Variants in PCDHGA2 observed in about 807,000 individuals in gnomAD.
PCDHGA2 encodes the protein protocadherin gamma-A2.
In PCDHGA2, 40 loss-of-function variants were observed where a neutral mutation model predicts 59.2. That is an observed-to-expected ratio of 0.68 (90% CI 0.52 to 0.88). The LOEUF is 0.88. Ranked by LOEUF, PCDHGA2 falls within the 40% of genes least tolerant of loss-of-function variation. The pLI is 0.00. For synonymous variants in PCDHGA2, 560 were observed against 526.0 expected (o/e 1.06, Z -0.89); for missense variants, 1,226 against 1,204.0 (o/e 1.02, Z -0.27).
Position 141,389,722 on chromosome 5 carries a change from G to C in PCDHGA2, c.2424+48327G>C, listed in dbSNP as rs141134077. 15,348 of 1,612,674 alleles carry C rather than the reference G, an allele frequency of 9.5e-3. 102 individuals are homozygous for C. The highest frequency in any genetic ancestry group is 0.028 in the Middle Eastern group (161 of 5,786). On this transcript the variant is annotated intron_variant, in intron 1 of 3. Coordinates refer to ENST00000394576, the MANE Select transcript of PCDHGA2 (RefSeq NM_018915.4). ...CACGTGCTGCAGGCTAGCGAGCCCG[G>C]GCTCTTCAGCCTGGGGCTGCGCACG...
Position 141,365,921 on chromosome 5 carries a change from T to C in PCDHGA2, c.2424+24526T>C. ...TGAGCAGTTGAGAGACCTACAGTTG[T>C]GGGTGACAGCCAGCGACAGTGGGAA... On this transcript the variant is annotated intron_variant, in intron 1 of 3. Transcript: ENST00000394576. The C allele has an allele frequency of 3.7e-6, 6 of 1,614,192 alleles. No individual in the cohort carries two copies. In the South Asian group the frequency reaches 5.5e-5, roughly 15 times the overall value.
At position 141,384,652 on chromosome 5, in the gene PCDHGA2, G is replaced by A. The variant is rs372721131; in HGVS notation, c.2424+43257G>A. ...GCTGGCACCCCGCTCCGCAGAGCCC[G>A]GCTACCTGGTGACCAAGGTGGTGGC... On this transcript the variant is annotated intron_variant, in intron 1 of 3. Coordinates refer to ENST00000394576, the MANE Select transcript of PCDHGA2 (RefSeq NM_018915.4). The A allele has an allele frequency of 7.4e-6, 12 of 1,614,110 alleles. No homozygotes were observed. The South Asian group carries it at 1.1e-4, about 15-fold the overall frequency.
At chr5:141,375,928 A>G (rs3749773) in intron 1 of PCDHGA2, 89,673 of 1,613,560 alleles carry the variant, frequency 0.056, 2,973 homozygotes, top group African/African-American at 0.14. Context: ...GCGAGCCAGG[A>G]CTTTTCTCAG....
rs902072815 is a variant in PCDHGA2, at chr5:141,495,024, C to A, written c.2483+159C>A. On this transcript the variant is annotated intron_variant, in intron 2 of 3. Coordinates refer to ENST00000394576, the MANE Select transcript of PCDHGA2 (RefSeq NM_018915.4). ...GGTGTGCGGGGGGCTGGCACACAGACCCCGGAAGGAAGAGGCGACTGCCCT... is the reference window on the plus strand; with the variant it reads ...GGTGTGCGGGGGGCTGGCACACAGAACCCGGAAGGAAGAGGCGACTGCCCT... The A allele has an allele frequency of 1.6e-5, 16 of 973,368 alleles. No homozygotes were observed. In the South Asian group the frequency reaches 5.7e-4, roughly 35 times the overall value. The allele number at this position is 973,368 out of a possible 1,614,324, so 60.3% of individuals were successfully genotyped here. A position where few individuals can be genotyped will look rare whatever the true frequency, so the allele number is the denominator to read the frequency against.
intron 1 of PCDHGA2, chr5:141,478,814 C>T (rs1271237848): frequency 6.9e-7 from 1 of 1,451,050 alleles, no homozygotes; most frequent in East Asian, 2.5e-5. Context: ...GCTATCACAA[C>T]TAACCAATCT....
chr5:141,399,677 A>G, intron 1 of PCDHGA2: 1 of 1,613,540 alleles, frequency 6.2e-7, no homozygotes, highest in Non-Finnish European at 8.5e-7. Flanking sequence ...CGCGCCTTTG[A>G]CTACGAGCAG....
At position 141,476,418 on chromosome 5, in the gene PCDHGA2, T is replaced by G. The variant is rs201255025; in HGVS notation, c.2425-18389T>G. ...GATCGAGAGGAGCTGTGTGGGACAC[T>G]GCCCTCTTGCACTGTAACTCTGGAG... On this transcript the variant is annotated intron_variant, in intron 1 of 3. Transcript: ENST00000394576. This position sits in a 1 kb window ranked among gnomAD's most constrained non-coding sequence, Gnocchi z 7.6. 8 of 1,614,122 alleles carry G rather than the reference T, an allele frequency of 5.0e-6. No homozygotes were observed. The highest frequency in any genetic ancestry group is 1.6e-4 in the Middle Eastern group (1 of 6,062).
intron 1 of PCDHGA2, chr5:141,364,669 A>T (rs1763470346): frequency 1.9e-6 from 3 of 1,613,898 alleles, no homozygotes; most frequent in Non-Finnish European, 2.5e-6. Flanking sequence ...TTGAGAACAA[A>T]ATGAAAATTT....
intron 1 of PCDHGA2, chr5:141,383,525 A>C: frequency 6.2e-7 from 1 of 1,612,320 alleles, no homozygotes; most frequent in Non-Finnish European, 8.5e-7. Context: ...CGGGTTCACC[A>C]CCTGGTCCTC....
Position 141,366,322 on chromosome 5 carries a change from G to T in PCDHGA2, c.2424+24927G>T, listed in dbSNP as rs1764494961. 3.1e-6 allele frequency: 5 copies of T among 1,613,654 alleles called. No individual in the cohort carries two copies. The South Asian group carries it at 5.5e-5, about 18-fold the overall frequency. On this transcript the variant is annotated intron_variant, in intron 1 of 3. Transcript: ENST00000394576. ...CCACCTTCACGGTCACCGTTGCCGT[G>T]GCCGACAGGATCCCTGACATCCTGG... is the stretch of plus-strand genomic sequence containing the variant.
intron 1 of PCDHGA2, chr5:141,424,475 T>C (rs1399874639): frequency 2.6e-5 from 4 of 152,234 alleles, no homozygotes; most frequent in Admixed American, 2.0e-4. Context: ...ATTCTTTTAC[T>C]TTGGTGTCTG....
At chr5:141,404,580 G>C (rs769739876) in intron 1 of PCDHGA2, 2 of 1,613,866 alleles carry the variant, frequency 1.2e-6, no homozygotes, top group Non-Finnish European at 1.7e-6. Context: ...CCACCACTTA[G>C]CAGCAATGTG....
intron 1 of PCDHGA2, chr5:141,351,727 C>G (rs771420474): frequency 6.2e-7 from 1 of 1,613,790 alleles, no homozygotes; most frequent in East Asian, 2.2e-5. Context: ...CTATTCTGGC[C>G]AGTGACCTGG....
At chr5:141,421,229 T>C (rs776952658) in intron 1 of PCDHGA2, 3 of 1,589,662 alleles carry the variant, frequency 1.9e-6, no homozygotes, top group South Asian at 1.1e-5. Flanking sequence ...GAGCCTGCCA[T>C]GGCGAATCGG....
At chr5:141,411,556 C>A (rs2095498108) in intron 1 of PCDHGA2, 1 of 152,200 alleles carries the variant, frequency 6.6e-6, no homozygotes, top group Non-Finnish European at 1.5e-5. Context: ...TGCACTCCAG[C>A]CTGGGCGACA....
At chr5:141,344,763 C>A in intron 1 of PCDHGA2, 1 of 1,614,014 alleles carries the variant, frequency 6.2e-7, no homozygotes, top group South Asian at 1.1e-5. Context: ...AATGTTTACT[C>A]AGCCTGAGTA....
chr5:141,383,612 A>C (rs1387363746), intron 1 of PCDHGA2: 1 of 1,613,690 alleles, frequency 6.2e-7, no homozygotes, highest in East Asian at 2.2e-5. Flanking sequence ...GTGAATGACC[A>C]CACGCCTGTC....
At position 141,432,204 on chromosome 5, in the gene PCDHGA2, A is replaced by G. The variant is rs1204867610; in HGVS notation, c.2425-62603A>G. On this transcript the variant is annotated intron_variant, in intron 1 of 3. Coordinates refer to ENST00000394576, the MANE Select transcript of PCDHGA2 (RefSeq NM_018915.4). This position sits in a 1 kb window ranked among gnomAD's most constrained non-coding sequence, Gnocchi z 6.0. ...GTGACCGCCCACGACCCCGACTGTG[A>G]AGAGAACGCCCAGATCACTTATTCC... 1.9e-6 allele frequency: 3 copies of G among 1,614,070 alleles called. No homozygotes were observed. Among genetic ancestry groups the G allele is most frequent in the African/African-American group, 2.7e-5 (2 of 74,928 alleles).
In PCDHGA2 at chr5:141,489,720, G is replaced by A. The variant is rs560729125; in HGVS notation, c.2425-5087G>A. ...TCCCACTGGACAGTGCCCAGGATCC[G>A]GATGTGGGCACCAATACTGTGAGCT... On this transcript the variant is annotated intron_variant, in intron 1 of 3. Transcript: ENST00000394576. The surrounding 1 kb of genome is among the most constrained non-coding windows in gnomAD (Gnocchi z 4.5). The A allele has an allele frequency of 3.2e-5, 51 of 1,614,200 alleles. No individual in the cohort carries two copies. The highest frequency in any genetic ancestry group is 9.3e-5 in the African/African-American group (7 of 75,048).
Sources: gnomAD v4.1 joint callset for allele counts on GRCh38, gnomAD v4.1.1 for gene constraint, Gnocchi (gnomAD v3.1) non-coding constraint, MANE v1.5 for transcripts, NCBI Gene and HGNC (gene_info 2026-07-23, HGNC 2026-07-21) for gene names.